The following FAM86B2 variants were observed in gnomAD, a reference collection of about 807,000 sequenced individuals.
FAM86B2 encodes family with sequence similarity 86 member B2, also known as putative protein N-methyltransferase FAM86B2.
In FAM86B2, 1 loss-of-function variant was observed where a neutral mutation model predicts 26.5. The ratio of observed to expected loss-of-function variants is 0.04; its 90% CI spans 0.01 to 0.18. The LOEUF (loss-of-function observed/expected upper bound fraction) is 0.18. FAM86B2 is among the 10% of genes least tolerant of loss of function. The probability of loss-of-function intolerance (pLI) is 1.00; values close to 1 mark genes in which losing one functional copy is unlikely to be tolerated. For synonymous variants in FAM86B2, 11 were observed against 127.8 expected (o/e 0.09, Z 6.17); for missense variants, 43 against 303.5 (o/e 0.14, Z 6.38).
chr8:12,431,652 G>A (rs1266217879), intron 3 of FAM86B2, among the ~76,000 whole-genome samples: 1 of 55,026 alleles, frequency 1.8e-5, no homozygotes, highest in East Asian at 4.6e-4. Flanking sequence ...ATTCACCAGA[G>A]GAACTAGTTC....
intron 1 of FAM86B2, among the ~76,000 whole-genome samples, chr8:12,435,529 A>G (rs1585380437): frequency 7.3e-6 from 1 of 136,744 alleles, no homozygotes; most frequent in East Asian, 2.0e-4. Context: ...TTTTATGTCA[A>G]TGGAATAATG....
Position 12,424,672 on chromosome 8 carries a change from C to T in FAM86B2, c.*1217G>A, listed in dbSNP as rs1401339452. On this transcript the variant is annotated 3_prime_UTR_variant, in exon 8 of 8. Coordinates refer to ENST00000262365, the MANE Select transcript of FAM86B2 (RefSeq NM_001137610.3). ...ACCAAGTGTGGGAAAGTGGGACATA[C>T]GGGGAAGTTTCCAGAAAGCATGATG... Among the ~76,000 whole-genome samples the T allele has an allele frequency of 4.5e-5, 6 of 133,512 alleles. No homozygotes were observed. Among genetic ancestry groups the T allele is most frequent in the South Asian group, 2.9e-4 (1 of 3,508 alleles). 87.6% of individuals were successfully genotyped at this position (133,512 alleles called of 152,430 possible). A position where few individuals can be genotyped will look rare whatever the true frequency, so the allele number is the denominator to read the frequency against.
intron 6 of FAM86B2, among the ~76,000 whole-genome samples, chr8:12,428,302 C>T (rs1485035686): frequency 2.0e-5 from 3 of 148,606 alleles, no homozygotes; most frequent in Non-Finnish European, 4.5e-5. Context: ...AGCCAAACAG[C>T]ACCTTCTCTC....
intron 1 of FAM86B2, among the ~76,000 whole-genome samples, chr8:12,435,811 C>T (rs1161388224): frequency 1.4e-5 from 2 of 140,068 alleles, no homozygotes; most frequent in Non-Finnish European, 3.2e-5. Context: ...CAGTGCTCGA[C>T]ATACAGATGA....
In FAM86B2 at chr8:12,435,486, T is replaced by C. The variant is rs576958549; in HGVS notation, c.96+762A>G. On this transcript the variant is annotated intron_variant, in intron 1 of 7. Transcript: ENST00000262365. ...TTTGGGTTAAAAATGCACACATTTCTCCTGACCAGAAATGATCTCTGAGTG... is the reference window on the plus strand; with the variant it reads ...TTTGGGTTAAAAATGCACACATTTCCCCTGACCAGAAATGATCTCTGAGTG... Among the ~76,000 whole-genome samples the C allele has an allele frequency of 3.2e-4, 43 of 132,318 alleles. 4 individuals carry two copies. The highest frequency in any genetic ancestry group is 6.6e-4 in the Non-Finnish European group (40 of 60,180). 86.8% of individuals were successfully genotyped at this position (132,318 alleles called of 152,430 possible).
chr8:12,427,966 GA>G (rs1812871403), intron 6 of FAM86B2, among the ~76,000 whole-genome samples, 160 bp from the exon 7 acceptor site: 1 of 51,064 alleles, frequency 2.0e-5, no homozygotes, highest in Admixed American at 2.3e-4. Flanking sequence ...TTATTTGGGT[GA>G]AAAAGGAGAA....
intron 1 of FAM86B2, among the ~76,000 whole-genome samples, chr8:12,435,935 C>T (rs1332431614): frequency 1.3e-5 from 2 of 150,954 alleles, no homozygotes; most frequent in Non-Finnish European, 3.0e-5. Flanking sequence ...CAGCTGTGTC[C>T]CAGTGACCAG....
chr8:12,435,591 A>G (rs1798600765), intron 1 of FAM86B2, among the ~76,000 whole-genome samples: 1 of 137,544 alleles, frequency 7.3e-6, no homozygotes, highest in African/African-American at 2.7e-5. Flanking sequence ...GGAGGAATAT[A>G]TATCCCAACT....
intron 1 of FAM86B2, among the ~76,000 whole-genome samples, chr8:12,435,379 A>C (rs1447629465): frequency 9.9e-6 from 1 of 101,242 alleles, no homozygotes; most frequent in Non-Finnish European, 2.0e-5. Context: ...GGGTGAGCCC[A>C]AGTTAGCATT....
chr8:12,435,358 G>C (rs1203607699), intron 1 of FAM86B2, among the ~76,000 whole-genome samples: 2 of 104,566 alleles, frequency 1.9e-5, no homozygotes, highest in African/African-American at 7.3e-5. Context: ...TACCCACCTG[G>C]TGGGTGTTGA....
intron 1 of FAM86B2, among the ~76,000 whole-genome samples, chr8:12,435,661 C>G (rs1172413650): frequency 4.3e-5 from 6 of 139,412 alleles, no homozygotes; most frequent in Admixed American, 3.5e-4. Context: ...CATTAAGCCC[C>G]TCTGCTGGCA....
rs1231041894 is a variant in FAM86B2 at position 12,426,393 on chromosome 8, G to A, written c.893-404C>T. 4.9e-5 allele frequency among the ~76,000 whole-genome samples: 7 copies of A among 144,208 alleles called. No individual in the cohort carries two copies. In the East Asian group the frequency reaches 6.1e-4, roughly 13 times the overall value. 94.6% of individuals were successfully genotyped at this position (144,208 alleles called of 152,430 possible). ...GTTGGTTGAGGCTTATACTATGTGTGCTGCTTGGCACTGTTTTTTTCACTT... is the reference window on the plus strand; with the variant it reads ...GTTGGTTGAGGCTTATACTATGTGTACTGCTTGGCACTGTTTTTTTCACTT... On this transcript the variant is annotated intron_variant, in intron 7 of 7. Coordinates refer to ENST00000262365, the MANE Select transcript of FAM86B2 (RefSeq NM_001137610.3).
chr8:12,428,431 C>T lies in FAM86B2; in HGVS notation c.742+202G>A, dbSNP rs561999956. ...GACTGTAACGGGAGTATGCCTGTCT[C>T]CAACAACAGGGCTGTGGCTTGAAGG... On this transcript the variant is annotated intron_variant, in intron 6 of 7. Coordinates refer to ENST00000262365, the MANE Select transcript of FAM86B2 (RefSeq NM_001137610.3). Among the ~76,000 whole-genome samples the T allele has an allele frequency of 4.9e-4, 75 of 152,196 alleles. No homozygotes were observed. The East Asian group carries it at 0.014, about 29-fold the overall frequency.
chr8:12,428,409 T>A (rs540711727), intron 6 of FAM86B2, among the ~76,000 whole-genome samples: 2 of 152,198 alleles, frequency 1.3e-5, no homozygotes, highest in East Asian at 3.9e-4. Context: ...TGGTGACGAC[T>A]GTAACGGGAG....
At chr8:12,428,527 T>A (rs1240120955) in intron 6 of FAM86B2, 106 bp downstream of exon 6, 2 of 1,525,026 alleles carry the variant, frequency 1.3e-6, no homozygotes, top group Non-Finnish European at 1.8e-6. Context: ...GGAAGCCCCA[T>A]CACGTCCATG....
At chr8:12,429,618 G>A (rs1813222151) in intron 4 of FAM86B2, among the ~76,000 whole-genome samples, 1 of 17,196 alleles carries the variant, frequency 5.8e-5, no homozygotes, top group Non-Finnish European at 9.5e-5. Context: ...CTACAGGCGT[G>A]TGCCACCATG....
In FAM86B2 at chr8:12,426,366, A is replaced by G. The variant is rs1812637513; in HGVS notation, c.893-377T>C. ...CAGACTCTGTCTCAAAAAAAAAAAA[A>G]GGTTGGTTGAGGCTTATACTATGTG... On this transcript the variant is annotated intron_variant, in intron 7 of 7. Coordinates refer to ENST00000262365, the MANE Select transcript of FAM86B2 (RefSeq NM_001137610.3). Among the ~76,000 whole-genome samples the G allele has an allele frequency of 2.0e-5, 3 of 147,568 alleles. No homozygotes were observed. The South Asian group carries it at 6.4e-4, about 32-fold the overall frequency.
intron 7 of FAM86B2, among the ~76,000 whole-genome samples, chr8:12,426,300 A>T (rs1439409408): frequency 2.1e-5 from 3 of 143,844 alleles, no homozygotes; most frequent in Non-Finnish European, 3.0e-5. Flanking sequence ...CTGCTCAGTC[A>T]ACTCACTCTT....
intron 6 of FAM86B2, among the ~76,000 whole-genome samples, chr8:12,428,386 GGACAGAGCCATGTGGT>G (rs1246247414): frequency 1.3e-5 from 2 of 152,078 alleles, no homozygotes; most frequent in African/African-American, 4.8e-5. Context: ...CATGGCTCTG[GGACAGAGCCATGTGGT>G]GACGACTGTA....
Sources: allele counts gnomAD v4.1 joint callset (sites outside exome capture counted in the v4.1 genomes callset), GRCh38; gene constraint gnomAD v4.1.1; transcripts MANE v1.5; gene names NCBI Gene and HGNC (gene_info 2026-07-23, HGNC 2026-07-21).